Variants in WDPCP observed in about 807,000 individuals in gnomAD.
WDPCP encodes WD repeat containing planar cell polarity effector, also known as WD repeat-containing and planar cell polarity effector protein fritz homolog.
Under a neutral mutation model 93.1 loss-of-function variants are expected in WDPCP, and 71 were observed. The observed-to-expected ratio is 0.76, with a 90% CI of 0.63 to 0.93. WDPCP has a LOEUF of 0.93. Ranked by LOEUF, WDPCP falls within the 40% of genes least tolerant of loss-of-function variation. The pLI is 0.00. For synonymous variants in WDPCP, 315 were observed against 315.0 expected, an observed-to-expected ratio of 1.00 and a Z score of 0.00; for missense variants, 844 against 887.4, an observed-to-expected ratio of 0.95 and a Z score of 0.62.
chr2:63,622,275 T>C, intron 3 of WDPCP: 1 of 1,605,472 alleles, frequency 6.2e-7, no homozygotes, highest in Middle Eastern at 1.7e-4. Flanking sequence ...CTCTGCCTTC[T>C]CCTTGGCTTC....
At chr2:63,134,349 A>C (rs933642240) in intron 17 of WDPCP, among the ~76,000 whole-genome samples, 5 of 152,184 alleles carry the variant, frequency 3.3e-5, no homozygotes, top group Non-Finnish European at 7.3e-5. Context: ...CTCCAATATA[A>C]TAGATCACAA....
intron 17 of WDPCP, among the ~76,000 whole-genome samples, chr2:63,130,307 C>T (rs1670208078): frequency 6.6e-6 from 1 of 152,088 alleles, no homozygotes; most frequent in Non-Finnish European, 1.5e-5. Flanking sequence ...AGGTAAGAGT[C>T]TAACTTCATA....
chr2:63,316,012 C>T (rs1252211073), intron 12 of WDPCP, among the ~76,000 whole-genome samples: 1 of 152,024 alleles, frequency 6.6e-6, no homozygotes, highest in Non-Finnish European at 1.5e-5. Context: ...ATCTTCCTGC[C>T]TCAGCCTCCC....
chr2:63,719,199 A>C (rs971024131), intron 2 of WDPCP, among the ~76,000 whole-genome samples: 1 of 152,232 alleles, frequency 6.6e-6, no homozygotes, highest in Non-Finnish European at 1.5e-5. Flanking sequence ...GCATGACAGT[A>C]CAAGAGGTGA....
intron 2 of WDPCP, among the ~76,000 whole-genome samples, chr2:63,677,095 G>C (rs1710411806): frequency 6.6e-6 from 1 of 152,170 alleles, no homozygotes; most frequent in South Asian, 2.1e-4. Context: ...GTAGAGTCCA[G>C]GCACATGCAT....
chr2:63,585,616 G>C (rs1708788279), intron 1 of WDPCP, among the ~76,000 whole-genome samples: 6 of 152,014 alleles, frequency 3.9e-5, no homozygotes, highest in East Asian at 1.9e-4. Context: ...TACTTAGACA[G>C]ACAGCAATGT....
intron 13 of WDPCP, among the ~76,000 whole-genome samples, chr2:63,272,495 T>A (rs999175632): frequency 6.6e-6 from 1 of 152,090 alleles, no homozygotes; most frequent in African/African-American, 2.4e-5. Context: ...CAGCAACAGA[T>A]TGCAATGAAA....
intron 1 of WDPCP, among the ~76,000 whole-genome samples, chr2:63,824,093 G>T (rs1419355623): frequency 6.6e-6 from 1 of 152,102 alleles, no homozygotes; most frequent in Non-Finnish European, 1.5e-5. Context: ...GGGAACTGGT[G>T]AGAGGTGACT....
At chr2:63,665,752 T>C (rs1710275808) in intron 2 of WDPCP, among the ~76,000 whole-genome samples, 1 of 152,210 alleles carries the variant, frequency 6.6e-6, no homozygotes, top group Non-Finnish European at 1.5e-5. Flanking sequence ...ACACATATAT[T>C]ATAGAAGTTG....
chr2:63,674,383 GA>G (rs1710379420), intron 2 of WDPCP, among the ~76,000 whole-genome samples: 1 of 152,072 alleles, frequency 6.6e-6, no homozygotes, highest in African/African-American at 2.4e-5. Flanking sequence ...AAACATTCCT[GA>G]AAAAGAAAAG....
chr2:63,192,661 T>C (rs1339061088), intron 14 of WDPCP, among the ~76,000 whole-genome samples: 1 of 152,272 alleles, frequency 6.6e-6, no homozygotes, highest in African/African-American at 2.4e-5. Flanking sequence ...GCCAGTGCTC[T>C]TCCATTTCAA....
intron 14 of WDPCP, among the ~76,000 whole-genome samples, chr2:63,246,583 G>A (rs1238712886): frequency 6.6e-6 from 1 of 152,162 alleles, no homozygotes; most frequent in African/African-American, 2.4e-5. Context: ...TCAAAAGGAT[G>A]TTTAGCATGA....
At position 63,457,128 on chromosome 2, in the gene WDPCP, A is replaced by G. The variant is rs141019147; in HGVS notation, c.385-17257T>C. Among the ~76,000 whole-genome samples, 4 of 152,318 alleles carry G rather than the reference A, an allele frequency of 2.6e-5. No homozygotes were observed. The East Asian group carries it at 5.8e-4, about 22-fold the overall frequency. ...CAAAAGAGAAGACCCAGATAAAATCATAAGTGAAAAAGGAAACATTACAAC... is the reference window on the plus strand; with the variant it reads ...CAAAAGAGAAGACCCAGATAAAATCGTAAGTGAAAAAGGAAACATTACAAC... On this transcript the variant is annotated intron_variant, in intron 6 of 17. Transcript: ENST00000272321.
chr2:63,798,330 C>T (rs1166341447), intron 2 of WDPCP, among the ~76,000 whole-genome samples: 1 of 152,060 alleles, frequency 6.6e-6, no homozygotes, highest in African/African-American at 2.4e-5. Context: ...AAAGACTAAA[C>T]AATGAACCAA....
Position 63,259,343 on chromosome 2 carries a change from T to C in WDPCP, c.1879A>G (p.Ser627Gly). 6.2e-7 allele frequency: 1 copy of C among 1,612,866 alleles called. No homozygotes were observed. The change falls in exon 14 of 18, where the codon AGT (serine) becomes GGT (glycine). Residue 627 changes from serine (S) to glycine (G), a missense_variant. Coordinates refer to ENST00000272321, the MANE Select transcript of WDPCP (RefSeq NM_015910.7). Reference sequence around the variant, plus strand: ...GTTATTGATTCTGCATCAATGTCACTAGCTCTTTTTCTTGCCACTTCAGCT... The same window carrying C: ...GTTATTGATTCTGCATCAATGTCACCAGCTCTTTTTCTTGCCACTTCAGCT... ...ALAEVARKRA[S>G]DIDAESITSG...
chr2:63,488,065 G>A (rs993984857), intron 2 of WDPCP, among the ~76,000 whole-genome samples: 1 of 151,992 alleles, frequency 6.6e-6, no homozygotes, highest in Non-Finnish European at 1.5e-5. Flanking sequence ...ACTTTGCTGG[G>A]GCTACCTAAG....
chr2:63,423,033 T>G (rs923880544), intron 9 of WDPCP, among the ~76,000 whole-genome samples: 2 of 152,224 alleles, frequency 1.3e-5, no homozygotes, highest in African/African-American at 2.4e-5. Flanking sequence ...AAAGTCATGA[T>G]AGTAGTTACT....
intron 14 of WDPCP, among the ~76,000 whole-genome samples, chr2:63,253,216 C>G (rs1033827642): frequency 6.6e-6 from 1 of 151,980 alleles, no homozygotes; most frequent in African/African-American, 2.4e-5. Flanking sequence ...ATCTTTTCAC[C>G]ATATACAAAA....
intron 12 of WDPCP, among the ~76,000 whole-genome samples, chr2:63,317,468 G>A (rs1444798321): frequency 1.3e-5 from 2 of 150,276 alleles, no homozygotes; most frequent in African/African-American, 4.9e-5. Flanking sequence ...GCAATTCTAA[G>A]CAAAAAGAAC....
Sources: allele counts gnomAD v4.1 joint callset (sites outside exome capture counted in the v4.1 genomes callset), GRCh38; gene constraint gnomAD v4.1.1; transcripts MANE v1.5; gene names NCBI Gene and HGNC (gene_info 2026-07-23, HGNC 2026-07-21).